GALM: variants seen among roughly 807,000 people sequenced by gnomAD.
The protein encoded by GALM is aldose 1-epimerase.
A neutral mutation model predicts 37.4 loss-of-function variants in GALM; 43 were observed. That is an observed-to-expected ratio of 1.15 (90% CI 0.90 to 1.48). GALM has a LOEUF of 1.48. GALM is among the 40% of genes most tolerant of loss of function. The probability of loss-of-function intolerance (pLI) is 0.00; values close to 1 mark genes in which losing one functional copy is unlikely to be tolerated. For synonymous variants in GALM, 199 were observed against 170.6 expected (o/e 1.17, Z -1.30); for missense variants, 456 against 419.1 (o/e 1.09, Z -0.77).
At chr2:38,671,916 G>A (rs1220144851) in intron 1 of GALM, among the ~76,000 whole-genome samples, 1 of 151,932 alleles carries the variant, frequency 6.6e-6, no homozygotes. Context: ...GAGCCTGGAG[G>A]TCAAGGCTGC....
chr2:38,675,518 GTTTTTTTGTTT>G (rs1190723749), intron 1 of GALM, among the ~76,000 whole-genome samples: 17 of 104,972 alleles, frequency 1.6e-4, no homozygotes, highest in African/African-American at 6.8e-4. Context: ...TGGATTGAGG[GTTTTTTTGTTT>G]TTTTTTTTTT....
chr2:38,715,549 CACCTCA>C (rs1417524906), intron 4 of GALM, among the ~76,000 whole-genome samples: 1 of 152,116 alleles, frequency 6.6e-6, no homozygotes, highest in Non-Finnish European at 1.5e-5. Flanking sequence ...GTGATCCTCC[CACCTCA>C]ACCTCCTGAG....
chr2:38,698,268 C>G (rs1371052024), intron 4 of GALM: 2 of 451,762 alleles, frequency 4.4e-6, no homozygotes, highest in Non-Finnish European at 8.4e-6. Context: ...ACTTCTAAAG[C>G]TACCTCTGTA....
At chr2:38,667,432 T>A (rs906055646) in intron 1 of GALM, among the ~76,000 whole-genome samples, 3 of 151,178 alleles carry the variant, frequency 2.0e-5, no homozygotes, top group African/African-American at 4.8e-5. Flanking sequence ...TAGCTGAGCA[T>A]GGTGGCACGT....
chr2:38,679,658 G>A (rs1665348199), intron 2 of GALM, among the ~76,000 whole-genome samples: 1 of 152,148 alleles, frequency 6.6e-6, no homozygotes, highest in Non-Finnish European at 1.5e-5. Flanking sequence ...TAAAGGCACT[G>A]GGAATCTCTG....
intron 4 of GALM, among the ~76,000 whole-genome samples, chr2:38,704,160 G>C (rs1665988611): frequency 6.6e-6 from 1 of 151,494 alleles, no homozygotes; most frequent in Non-Finnish European, 1.5e-5. Flanking sequence ...AGTAATGATA[G>C]TCTATGGTTG....
chr2:38,672,013 A>AGAAAC (rs1665117663), intron 1 of GALM, among the ~76,000 whole-genome samples: 6 of 151,304 alleles, frequency 4.0e-5, no homozygotes, highest in African/African-American at 1.5e-4. Flanking sequence ...AACAAAAAAA[A>AGAAAC]CCCTGATAAT....
intron 4 of GALM, among the ~76,000 whole-genome samples, chr2:38,694,276 T>C (rs1413961863): frequency 2.0e-5 from 3 of 152,110 alleles, no homozygotes; most frequent in Non-Finnish European, 2.9e-5. Flanking sequence ...ACTATATAAA[T>C]ACCCAAGTGC....
chr2:38,706,129 C>T (rs1319137619), intron 4 of GALM, among the ~76,000 whole-genome samples: 1 of 151,992 alleles, frequency 6.6e-6, no homozygotes. Flanking sequence ...CTTTACCTCC[C>T]AAGTAGCTGG....
At chr2:38,728,021 T>G (rs1666522250) in intron 4 of GALM, among the ~76,000 whole-genome samples, 1 of 152,202 alleles carries the variant, frequency 6.6e-6, no homozygotes, top group Non-Finnish European at 1.5e-5. Context: ...GAAAAATAAT[T>G]ATCACCCTAA....
intron 4 of GALM, among the ~76,000 whole-genome samples, chr2:38,725,915 TTG>T: frequency 6.6e-6 from 1 of 152,014 alleles, no homozygotes; most frequent in African/African-American, 2.4e-5. Context: ...TTTCGCCATG[TTG>T]CCCAGGCTGG....
At chr2:38,722,009 C>A (rs1666384640) in intron 4 of GALM, among the ~76,000 whole-genome samples, 1 of 149,542 alleles carries the variant, frequency 6.7e-6, no homozygotes, top group South Asian at 2.2e-4. Context: ...TTCACTGTCC[C>A]TCCCCAACTA....
At chr2:38,687,544 T>C (rs1665566813) in intron 3 of GALM, among the ~76,000 whole-genome samples, 1 of 152,006 alleles carries the variant, frequency 6.6e-6, no homozygotes, top group South Asian at 2.1e-4. Context: ...ACCCCATCTC[T>C]ACTAAAAATA....
At chr2:38,720,831 G>A (rs1335439826) in intron 4 of GALM, among the ~76,000 whole-genome samples, 1 of 152,202 alleles carries the variant, frequency 6.6e-6, no homozygotes, top group African/African-American at 2.4e-5. Context: ...CTTACAGTAT[G>A]GTGGCAGGGC....
At chr2:38,679,357 G>A (rs1465655) in intron 2 of GALM, among the ~76,000 whole-genome samples, 4 of 128,294 alleles carry the variant, frequency 3.1e-5, no homozygotes, top group Admixed American at 8.0e-5. Context: ...ACTCCCCACC[G>A]CCCCCGACAC....
chr2:38,697,310 G>A (rs1665832124), intron 4 of GALM, among the ~76,000 whole-genome samples: 1 of 152,084 alleles, frequency 6.6e-6, no homozygotes, highest in Non-Finnish European at 1.5e-5. Flanking sequence ...TGCTTCATTT[G>A]ATCAGCCGCC....
chr2:38,719,381 A>C (rs1666330987), intron 4 of GALM, among the ~76,000 whole-genome samples: 1 of 150,912 alleles, frequency 6.6e-6, no homozygotes, highest in Non-Finnish European at 1.5e-5. Context: ...GAGGCAAATA[A>C]TTGCTTGAAC....
At chr2:38,728,255 G>T (rs1041480488) in intron 4 of GALM, among the ~76,000 whole-genome samples, 27 of 151,486 alleles carry the variant, frequency 1.8e-4, no homozygotes, top group East Asian at 5.9e-4. Context: ...TTAGCTGGGC[G>T]TGGTGGTGTG....
intron 1 of GALM, among the ~76,000 whole-genome samples, chr2:38,672,064 C>T (rs1404654898): frequency 6.6e-6 from 1 of 151,800 alleles, no homozygotes; most frequent in Non-Finnish European, 1.5e-5. Flanking sequence ...CCTATTCCTC[C>T]AAACCAAGGA....
Sources: allele counts gnomAD v4.1 joint callset (sites outside exome capture counted in the v4.1 genomes callset), GRCh38; gene constraint gnomAD v4.1.1; transcripts MANE v1.5; gene names NCBI Gene and HGNC (gene_info 2026-07-23, HGNC 2026-07-21).